Variants in ADGB observed in about 807,000 individuals in gnomAD.
ADGB encodes calpain-7-like protein.
A neutral mutation model predicts 210.5 loss-of-function variants in ADGB; 172 were observed. That is an observed-to-expected ratio of 0.82 (90% confidence interval 0.72 to 0.93). The LOEUF (loss-of-function observed/expected upper bound fraction) is 0.93, where lower values mean the gene tolerates loss of function less well. Ranked by LOEUF, ADGB falls within the 40% of genes least tolerant of loss-of-function variation. The pLI is 0.00. For synonymous variants in ADGB, 658 were observed against 662.7 expected (o/e 0.99, Z 0.11); for missense variants, 2,025 against 1,964.8 (o/e 1.03, Z -0.58).
intron 22 of ADGB, 113 bp from the exon 23 acceptor site, chr6:146,736,385 A>T: frequency 1.5e-6 from 1 of 666,344 alleles, no homozygotes; most frequent in Non-Finnish European, 2.4e-6. Context: ...ATGACTTTGA[A>T]TACCATCTTA....
chr6:146,688,397 G>A (rs924625935), intron 10 of ADGB, among the ~76,000 whole-genome samples: 4 of 152,264 alleles, frequency 2.6e-5, no homozygotes, highest in African/African-American at 9.6e-5. Flanking sequence ...TCTTAAAGAA[G>A]TTAGGCAAGT....
At chr6:146,775,788 C>G (rs1166068762) in intron 29 of ADGB, among the ~76,000 whole-genome samples, 1 of 151,502 alleles carries the variant, frequency 6.6e-6, no homozygotes, top group Non-Finnish European at 1.5e-5. Flanking sequence ...TTTGAGGAAA[C>G]CAAACATTAT....
chr6:146,815,013 G>T lies in ADGB; in HGVS notation c.4819-19G>T, dbSNP rs1360936861. 2.0e-6 allele frequency: 3 copies of T among 1,522,618 alleles called. No individual in the cohort carries two copies. The highest frequency in any genetic ancestry group is 2.4e-5 in the Admixed American group (1 of 41,282). The allele number at this position is 1,522,618 out of a possible 1,614,324, so 94.3% of individuals were successfully genotyped here. ...TTTACCAGTGGAACTTATTTGTTTG[G>T]GGTTTTGCTTTGGAACAGGACTCCT... On this transcript the variant is annotated intron_variant, in intron 35 of 35. Coordinates refer to ENST00000397944, the MANE Select transcript of ADGB (RefSeq NM_024694.4).
chr6:146,787,066 T>C (rs1777884208), intron 32 of ADGB, among the ~76,000 whole-genome samples: 1 of 152,056 alleles, frequency 6.6e-6, no homozygotes, highest in Non-Finnish European at 1.5e-5. Flanking sequence ...TGATATCAAG[T>C]GGGGAAGGAT....
At chr6:146,763,329 T>C (rs1486446396) in intron 27 of ADGB, among the ~76,000 whole-genome samples, 1 of 152,212 alleles carries the variant, frequency 6.6e-6, no homozygotes, top group African/African-American at 2.4e-5. Flanking sequence ...TATCCCTGTG[T>C]CAGTCACTTA....
chr6:146,700,896 A>G (rs1333832977), intron 12 of ADGB, 45 bp from the exon 13 acceptor site: 2 of 1,527,058 alleles, frequency 1.3e-6, no homozygotes, highest in Non-Finnish European at 1.8e-6. Context: ...AACTTTAAAC[A>G]GAAGATCAAA....
At chr6:146,722,855 C>T (rs1776841698) in intron 17 of ADGB, among the ~76,000 whole-genome samples, 2 of 152,188 alleles carry the variant, frequency 1.3e-5, no homozygotes, top group African/African-American at 4.8e-5. Context: ...ACAATCTCTG[C>T]TCCTCTACAA....
rs1045537469 is a variant in ADGB at position 146,664,305 on chromosome 6, T to G, written c.717T>G (p.Leu239=). Residue 239 remains leucine (L), a synonymous_variant, in exon 6 of 36, where the codon CTT becomes CTG. Coordinates refer to ENST00000397944, the MANE Select transcript of ADGB (RefSeq NM_024694.4). ...ATGAATTTGAACTGTGGCCAATGCT[T>G]TTGTCTAAAGCTATTATCAAGCTGG... ...TTYEFELWPM[L]LSKAIIKLAN... is the part of the protein sequence containing the mutation. 6.5e-7 allele frequency: 1 copy of G among 1,549,718 alleles called. No homozygotes were observed. Among genetic ancestry groups the G allele is most frequent in the Admixed American group, 2.0e-5 (1 of 50,882 alleles).
chr6:146,806,932 T>A (rs1778220822), intron 35 of ADGB, among the ~76,000 whole-genome samples: 1 of 152,138 alleles, frequency 6.6e-6, no homozygotes, highest in Admixed American at 6.5e-5. Flanking sequence ...TGATGAAGAA[T>A]GAAAGTCAAG....
chr6:146,803,166 A>G lies in ADGB; in HGVS notation c.4818+1155A>G, dbSNP rs1017179067. 8.1e-6 allele frequency: 12 copies of G among 1,488,678 alleles called. No homozygotes were observed. The Admixed American group carries it at 1.7e-4, about 21-fold the overall frequency. 92.2% of individuals were successfully genotyped at this position (1,488,678 alleles called of 1,614,324 possible). On this transcript the variant is annotated intron_variant, in intron 35 of 35. Coordinates refer to ENST00000397944, the MANE Select transcript of ADGB (RefSeq NM_024694.4). ...ATCTTCTATCCTCAACAAATAAGCT[A>G]CAAGTTCACTTATACTTCTCCTTCT...
chr6:146,691,426 A>ATATTTATATATATATT (rs1776308880), intron 11 of ADGB, 136 bp downstream of exon 11: 1 of 19,240 alleles, frequency 5.2e-5, no homozygotes, highest in East Asian at 1.6e-3. Flanking sequence ...ATATATATAT[A>ATATTTATATATATATT]TATATATATA....
intron 2 of ADGB, among the ~76,000 whole-genome samples, chr6:146,639,973 G>A (rs1775483471): frequency 6.6e-6 from 1 of 151,848 alleles, no homozygotes; most frequent in African/African-American, 2.4e-5. Flanking sequence ...AACAAATCCA[G>A]GAGTTGTTTT....
At chr6:146,782,333 A>T in intron 30 of ADGB, 141 bp downstream of exon 30, 1 of 857,096 alleles carries the variant, frequency 1.2e-6, no homozygotes, top group Non-Finnish European at 1.7e-6. Context: ...CTTTGAGGAC[A>T]TTCCTTGGAC....
intron 26 of ADGB, among the ~76,000 whole-genome samples, chr6:146,747,777 A>G (rs939017094): frequency 3.1e-5 from 4 of 130,418 alleles, no homozygotes; most frequent in African/African-American, 9.5e-5. Flanking sequence ...ATATATATAT[A>G]TATGTATTTT....
intron 23 of ADGB, among the ~76,000 whole-genome samples, chr6:146,738,484 G>C (rs1408951382): frequency 2.7e-5 from 3 of 112,882 alleles, no homozygotes; most frequent in Non-Finnish European, 3.4e-5. Context: ...GAGTCTCGCT[G>C]TGTCACCCAG....
chr6:146,813,392 T>C (rs1341250290), intron 35 of ADGB, among the ~76,000 whole-genome samples: 1 of 152,138 alleles, frequency 6.6e-6, no homozygotes, highest in Non-Finnish European at 1.5e-5. Flanking sequence ...ACCATACAGA[T>C]CTAAATGCTG....
At chr6:146,735,151 A>C (rs755715896) in intron 22 of ADGB, among the ~76,000 whole-genome samples, 34 of 152,198 alleles carry the variant, frequency 2.2e-4, no homozygotes, top group Non-Finnish European at 1.9e-4. Context: ...GTTTAATGAT[A>C]GTTGTCTAAT....
chr6:146,620,481 T>A (rs1049349171), intron 1 of ADGB, among the ~76,000 whole-genome samples: 2 of 152,112 alleles, frequency 1.3e-5, no homozygotes, highest in African/African-American at 4.8e-5. Flanking sequence ...TTATTCTTTT[T>A]TTTTCTTTTT....
chr6:146,771,344 C>A (rs1415983081), intron 29 of ADGB, among the ~76,000 whole-genome samples: 1 of 151,884 alleles, frequency 6.6e-6, no homozygotes, highest in African/African-American at 2.4e-5. Context: ...TTGCAGTTGA[C>A]CACCCACACC....
Sources: allele counts gnomAD v4.1 joint callset (sites outside exome capture counted in the v4.1 genomes callset), GRCh38; gene constraint gnomAD v4.1.1; transcripts MANE v1.5; gene names NCBI Gene and HGNC (gene_info 2026-07-23, HGNC 2026-07-21).